MTMR8: variants seen among roughly 807,000 people sequenced by gnomAD.
The protein encoded by MTMR8 is phosphatidylinositol-3,5-bisphosphate 3-phosphatase MTMR8.
A neutral mutation model predicts 39.3 loss-of-function variants in MTMR8; 65 were observed. The ratio of observed to expected loss-of-function variants is 1.65; its 90% CI spans 1.35 to 2.03. MTMR8 has a LOEUF of 2.03. Among genes scored for constraint, MTMR8 ranks in the 30% most tolerant of loss-of-function variants. MTMR8 has a pLI of 0.00. For synonymous variants in MTMR8, 245 were observed against 185.2 expected (o/e 1.32, Z -2.62); for missense variants, 777 against 538.9 (o/e 1.44, Z -4.37).
intron 7 of MTMR8, among the ~76,000 whole-genome samples, chrX:64,344,755 C>T (rs950448048): frequency 2.7e-5 from 3 of 111,513 alleles, no homozygotes; most frequent in African/African-American, 9.8e-5. Flanking sequence ...TTGCCTATCC[C>T]TGAAAATCAA....
intron 1 of MTMR8, among the ~76,000 whole-genome samples, chrX:64,366,093 C>T (rs934516869): frequency 8.9e-6 from 1 of 111,885 alleles, no homozygotes; most frequent in Non-Finnish European, 1.9e-5. Flanking sequence ...CGGGAACACC[C>T]AGATTCATAA....
At chrX:64,379,220 C>A (rs1602156616) in intron 1 of MTMR8, among the ~76,000 whole-genome samples, 2 of 111,687 alleles carry the variant, frequency 1.8e-5, no homozygotes, top group African/African-American at 6.5e-5. Flanking sequence ...AAAATTATAG[C>A]AATTATCTAC....
intron 12 of MTMR8, among the ~76,000 whole-genome samples, chrX:64,291,032 A>C: frequency 9.0e-6 from 1 of 111,712 alleles, no homozygotes; most frequent in Middle Eastern, 4.6e-3. Flanking sequence ...TCAATTTTTT[A>C]GAAAACTGAC....
In MTMR8 at chrX:64,330,792, T is replaced by C. The variant is rs1387693399; in HGVS notation, c.1352+765A>G. ...AAATGGAACAGCTACTATTCAGCTC[T>C]AGCTGTTTATTATCATGAGAAAATA... On this transcript the variant is annotated intron_variant, in intron 11 of 13. Transcript: ENST00000374852. Among the ~76,000 whole-genome samples the C allele has an allele frequency of 6.3e-5, 7 of 111,948 alleles. No individual in the cohort carries two copies. In the East Asian group the frequency reaches 1.7e-3, roughly 27 times the overall value.
chrX:64,341,307 C>A (rs1056508402), intron 8 of MTMR8, among the ~76,000 whole-genome samples: 2 of 110,408 alleles, frequency 1.8e-5, no homozygotes, highest in Non-Finnish European at 3.8e-5. Context: ...GGCAAAACCC[C>A]GTCTCTGCTA....
chrX:64,344,695 C>A (rs1279894361), intron 7 of MTMR8, among the ~76,000 whole-genome samples: 2 of 111,496 alleles, frequency 1.8e-5, no homozygotes, highest in Non-Finnish European at 3.8e-5. Flanking sequence ...TAATTTCTTA[C>A]CTTAAGGATG....
intron 1 of MTMR8, among the ~76,000 whole-genome samples, chrX:64,393,402 A>T (rs1392904347): frequency 8.9e-6 from 1 of 111,969 alleles, no homozygotes; most frequent in Non-Finnish European, 1.9e-5. Context: ...TCTCCCTTCC[A>T]ATTTCCATAG....
chrX:64,367,975 G>A lies in MTMR8; in HGVS notation c.25-8448C>T, dbSNP rs140876398. The stretch of plus-strand genomic sequence containing the variant: ...TTCCTATACATCAATAACAGACAGA[G>A]AGCCAAATCATGAGTGAACTCACAT... On this transcript the variant is annotated intron_variant, in intron 1 of 13. Coordinates refer to ENST00000374852, the MANE Select transcript of MTMR8 (RefSeq NM_017677.4). 6.6e-3 allele frequency among the ~76,000 whole-genome samples: 736 copies of A among 111,182 alleles called. 3 individuals are homozygous for A. Among genetic ancestry groups the A allele is most frequent in the African/African-American group, 0.023 (690 of 30,611 alleles).
chrX:64,384,568 G>T (rs1569233789), intron 1 of MTMR8, among the ~76,000 whole-genome samples: 2 of 112,201 alleles, frequency 1.8e-5, no homozygotes, highest in Non-Finnish European at 3.8e-5. Context: ...TTCCTCTTTT[G>T]CAATCTGTGC....
At chrX:64,342,292 A>T (rs1379029585) in intron 8 of MTMR8, among the ~76,000 whole-genome samples, 1 of 112,483 alleles carries the variant, frequency 8.9e-6, no homozygotes, top group Non-Finnish European at 1.9e-5. Flanking sequence ...TTTGAGAAAC[A>T]CTTTTGAAGC....
At chrX:64,357,283 A>T (rs190396300) in intron 2 of MTMR8, among the ~76,000 whole-genome samples, 36 of 111,281 alleles carry the variant, frequency 3.2e-4, no homozygotes, top group African/African-American at 1.2e-3. Flanking sequence ...TCCAATCAAT[A>T]GTGCCTTTTC....
At chrX:64,318,701 G>GTT (rs1368895527) in intron 12 of MTMR8, among the ~76,000 whole-genome samples, 12 of 89,389 alleles carry the variant, frequency 1.3e-4, no homozygotes, top group African/African-American at 3.6e-4. Flanking sequence ...GTTTGGTTTG[G>GTT]TTTTTTGTTT....
At chrX:64,362,429 A>C (rs1053185812) in intron 1 of MTMR8, among the ~76,000 whole-genome samples, 2 of 101,012 alleles carry the variant, frequency 2.0e-5, no homozygotes, top group Non-Finnish European at 4.0e-5. Context: ...GGGGGAAAAA[A>C]ATCAACAACA....
chrX:64,298,711 G>C (rs1301307018), intron 12 of MTMR8, among the ~76,000 whole-genome samples: 1 of 84,339 alleles, frequency 1.2e-5, no homozygotes. Flanking sequence ...TATTGGCTGT[G>C]GGTTTGTCAT....
intron 12 of MTMR8, among the ~76,000 whole-genome samples, chrX:64,284,798 C>CT (rs1921095764): frequency 8.9e-6 from 1 of 111,805 alleles, no homozygotes; most frequent in South Asian, 3.7e-4. Context: ...ACCACCAGGC[C>CT]TGCCCTACAA....
At chrX:64,351,759 G>A (rs1405236049) in intron 4 of MTMR8, among the ~76,000 whole-genome samples, 3 of 111,377 alleles carry the variant, frequency 2.7e-5, no homozygotes, top group Non-Finnish European at 3.8e-5. Flanking sequence ...TCTGATGTTC[G>A]AGGGCAGGAA....
intron 12 of MTMR8, among the ~76,000 whole-genome samples, chrX:64,289,468 T>C (rs959531094): frequency 5.5e-5 from 6 of 108,543 alleles, no homozygotes; most frequent in African/African-American, 1.7e-4. Context: ...CAAGACCCTG[T>C]CTCTACAAAA....
At chrX:64,364,202 A>G (rs1923879127) in intron 1 of MTMR8, among the ~76,000 whole-genome samples, 1 of 112,460 alleles carries the variant, frequency 8.9e-6, no homozygotes, top group South Asian at 3.7e-4. Flanking sequence ...GCAGACTTAA[A>G]TGTCCCTGTC....
intron 12 of MTMR8, 119 bp from the exon 13 acceptor site, chrX:64,271,192 T>C (rs1217701891): frequency 1.5e-6 from 1 of 679,317 alleles, no homozygotes; most frequent in East Asian, 4.1e-5. Context: ...TCATGAGTAC[T>C]GTAATTTGAT....
Sources: gnomAD v4.1 joint callset for allele counts (sites outside exome capture counted in the v4.1 genomes callset) on GRCh38, gnomAD v4.1.1 for gene constraint, MANE v1.5 for transcripts, NCBI Gene and HGNC (gene_info 2026-07-23, HGNC 2026-07-21) for gene names.